Variants in CLDN16 observed in about 807,000 individuals in gnomAD.
The protein encoded by CLDN16 is claudin-16.
CLDN16 carries 13 observed loss-of-function variants against 24.6 expected under a neutral mutation model. That is an observed-to-expected ratio of 0.53 (90% CI 0.34 to 0.84). The LOEUF is 0.84. Ranked by LOEUF, CLDN16 falls within the 40% of genes least tolerant of loss-of-function variation. CLDN16 has a pLI of 0.01. For synonymous variants in CLDN16, 116 were observed against 106.7 expected (o/e 1.09, Z -0.54); for missense variants, 298 against 292.7 (o/e 1.02, Z -0.13).
rs757064470 is a variant in CLDN16 at position 190,409,896 on chromosome 3, C to T, written c.575-7C>T. ...GTTCTACTTATTTTTATATTTCTTT[C>T]AAACAGATGTTGGACCTGAGAGAAA... On this transcript the variant is annotated splice_region_variant and splice_polypyrimidine_tract_variant and intron_variant, in intron 4 of 4. Coordinates refer to ENST00000264734, the MANE Select transcript of CLDN16 (RefSeq NM_006580.4). The T allele has an allele frequency of 4.1e-5, 66 of 1,613,360 alleles. No individual in the cohort carries two copies. The highest frequency in any genetic ancestry group is 1.6e-4 in the Middle Eastern group (1 of 6,080).
At chr3:190,408,608 TCCTA>T in intron 4 of CLDN16, 103 bp downstream of exon 4, 1 of 1,073,596 alleles carries the variant, frequency 9.3e-7, no homozygotes, top group Non-Finnish European at 1.4e-6. Context: ...TTATTTGAAT[TCCTA>T]CCTATTGCCA....
In CLDN16 at chr3:190,408,352, G is replaced by C. The variant is rs1719158559; in HGVS notation, c.421G>C (p.Asp141His). ...CATTGGCTCTGTGTGGTATGCTGTT[G>C]ATGTGTATGTGGAACGTTCTACTTT... Reference protein sequence around the residue: ...GIIGSVWYAVDVYVERSTLVL... With the variant: ...GIIGSVWYAVHVYVERSTLVL... Residue 141 changes from aspartate (D) to histidine (H), a missense_variant, in exon 4 of 5, where the codon GAT (aspartate) becomes CAT (histidine). By Grantham distance (81) the Asp-to-His change is moderately conservative. Transcript: ENST00000264734. 3.1e-6 allele frequency: 5 copies of C among 1,614,098 alleles called. No individual in the cohort carries two copies. The East Asian group carries it at 6.7e-5, about 22-fold the overall frequency.
chr3:190,390,212 A>G (rs1311936671), intron 1 of CLDN16, among the ~76,000 whole-genome samples: 1 of 152,204 alleles, frequency 6.6e-6, no homozygotes, highest in Non-Finnish European at 1.5e-5. Flanking sequence ...CTTAAAATGT[A>G]TTGCTATAAT....
intron 1 of CLDN16, among the ~76,000 whole-genome samples, chr3:190,363,596 A>ATATATATATATATATATATATT (rs1460049752): frequency 7.6e-6 from 1 of 131,182 alleles, no homozygotes; most frequent in Non-Finnish European, 1.6e-5. Context: ...ATATATATAT[A>ATATATATATATATATATATATT]TTTTCTTTCT....
the CLDN16 span, among the ~76,000 whole-genome samples, chr3:190,311,612 AT>A: frequency 6.6e-6 from 1 of 150,764 alleles, no homozygotes; most frequent in East Asian, 1.9e-4. Flanking sequence ...TTTTTTTAAA[AT>A]AATATACTAT....
chr3:190,359,406 G>T lies in CLDN16; in HGVS notation n.122-11487G>T, dbSNP rs750980923. On this transcript the variant is annotated intron_variant and non_coding_transcript_variant, in intron 1 of 4. Coordinates refer to the CLDN16 transcript ENST00000468220. Reference sequence around the variant, plus strand: ...AGTTCTAGCTCTATGTAAGTGTTCAGTAAACTCTAATTGAATTAAATGAGT... The same window carrying T: ...AGTTCTAGCTCTATGTAAGTGTTCATTAAACTCTAATTGAATTAAATGAGT... Among the ~76,000 whole-genome samples the T allele has an allele frequency of 1.4e-4, 22 of 152,112 alleles. No individual in the cohort carries two copies. In the South Asian group the frequency reaches 1.4e-3, roughly 10 times the overall value.
At chr3:190,386,199 C>A (rs1718493924), upstream of CLDN16, among the ~76,000 whole-genome samples, 1 of 152,132 alleles carries the variant, frequency 6.6e-6, no homozygotes, top group Non-Finnish European at 1.5e-5. Flanking sequence ...GGGAAAGATT[C>A]TCTGTGACTC....
chr3:190,342,306 G>A (rs577260289), intron 1 of CLDN16, among the ~76,000 whole-genome samples: 1 of 152,146 alleles, frequency 6.6e-6, no homozygotes, highest in South Asian at 2.1e-4. Flanking sequence ...CATGGCTGGG[G>A]ATGCATCACA....
intron 1 of CLDN16, among the ~76,000 whole-genome samples, chr3:190,328,687 A>AT (rs1216236907): frequency 6.6e-6 from 1 of 151,886 alleles, no homozygotes; most frequent in East Asian, 1.9e-4. Flanking sequence ...AAAAAAAAAA[A>AT]CAAGATTTTA....
At chr3:190,309,679 G>T in the CLDN16 span, among the ~76,000 whole-genome samples, 1 of 152,094 alleles carries the variant, frequency 6.6e-6, no homozygotes, top group African/African-American at 2.4e-5. Context: ...TTTCAAGGTG[G>T]TATCTGAACA....
chr3:190,392,471 G>A (rs756810185), intron 1 of CLDN16, among the ~76,000 whole-genome samples: 1 of 151,918 alleles, frequency 6.6e-6, no homozygotes, highest in Non-Finnish European at 1.5e-5. Flanking sequence ...TGGGTACATG[G>A]TTATGAAGTA....
intron 2 of CLDN16, among the ~76,000 whole-genome samples, chr3:190,371,850 A>T (rs1389539129): frequency 6.6e-6 from 1 of 151,902 alleles, no homozygotes; most frequent in Non-Finnish European, 1.5e-5. Flanking sequence ...TGGTTATGTA[A>T]ATTGAGAGAC....
At chr3:190,385,151 T>A (rs924493382), upstream of CLDN16, among the ~76,000 whole-genome samples, 7 of 152,280 alleles carry the variant, frequency 4.6e-5, no homozygotes, top group African/African-American at 1.4e-4. Context: ...ACACTGTTCA[T>A]AAATGTGTGC....
chr3:190,344,744 T>C lies in CLDN16; in HGVS notation n.121+22083T>C, dbSNP rs1474397341. ...ATTCCAGATAATCATGTGATTAGGT[T>C]ATAGAATAAAGGAGGATAAATGTCT... On this transcript the variant is annotated intron_variant and non_coding_transcript_variant, in intron 1 of 4. Transcript: ENST00000468220. Among the ~76,000 whole-genome samples, 3 of 151,704 alleles carry C rather than the reference T, an allele frequency of 2.0e-5. No individual in the cohort carries two copies. In the East Asian group the frequency reaches 5.8e-4, roughly 29 times the overall value.
chr3:190,312,303 A>ATT, the CLDN16 span, among the ~76,000 whole-genome samples: 1 of 150,908 alleles, frequency 6.6e-6, no homozygotes, highest in African/African-American at 2.4e-5. Context: ...GTATTTCTGT[A>ATT]TTTTTTTTTT....
intron 1 of CLDN16, among the ~76,000 whole-genome samples, chr3:190,323,165 G>T (rs1155884): frequency 0.51 from 77,779 of 151,924 alleles, 20,207 homozygotes; most frequent in East Asian, 0.7. Flanking sequence ...TTATGAAACT[G>T]CAGGCTAGCA....
intron 1 of CLDN16, among the ~76,000 whole-genome samples, chr3:190,349,401 A>T (rs1717624891): frequency 6.6e-6 from 1 of 152,168 alleles, no homozygotes; most frequent in Non-Finnish European, 1.5e-5. Flanking sequence ...CCCCCCAGCC[A>T]TGCTTCCTGT....
At chr3:190,322,962 A>T (rs897551798) in intron 1 of CLDN16, among the ~76,000 whole-genome samples, 1 of 148,610 alleles carries the variant, frequency 6.7e-6, no homozygotes, top group African/African-American at 2.5e-5. Context: ...AGACTTTTAC[A>T]CTCTACAGAT....
At chr3:190,396,932 C>A (rs1718835058) in intron 1 of CLDN16, among the ~76,000 whole-genome samples, 4 of 152,082 alleles carry the variant, frequency 2.6e-5, no homozygotes, top group Admixed American at 2.6e-4. Flanking sequence ...CCTTAAGGAA[C>A]CAAGTAGCCA....
Sources: gnomAD v4.1 joint callset for allele counts (sites outside exome capture counted in the v4.1 genomes callset) on GRCh38, gnomAD v4.1.1 for gene constraint, MANE v1.5 for transcripts, NCBI Gene and HGNC (gene_info 2026-07-23, HGNC 2026-07-21) for gene names.